Variants in RNF6 observed in about 807,000 individuals in gnomAD.
RNF6 encodes E3 ubiquitin-protein ligase RNF6.
A neutral mutation model predicts 50.1 loss-of-function variants in RNF6; 21 were observed. The observed-to-expected ratio is 0.42, with a 90% CI of 0.30 to 0.60. RNF6 has a LOEUF of 0.60. RNF6 is among the 20% of genes least tolerant of loss of function. The pLI is 0.20. For synonymous variants in RNF6, 255 were observed against 291.8 expected (o/e 0.87, Z 1.29); for missense variants, 698 against 838.2 (o/e 0.83, Z 2.07).
At chr13:26,164,358 T>A (rs921583851) in intron 5 of RNF6, among the ~76,000 whole-genome samples, 6 of 152,202 alleles carry the variant, frequency 3.9e-5, no homozygotes, top group African/African-American at 7.2e-5. Flanking sequence ...TATTTTCCAA[T>A]TCTTCATCTT....
chr13:26,132,809 G>A (rs1013973980), intron 5 of RNF6, among the ~76,000 whole-genome samples: 1 of 152,172 alleles, frequency 6.6e-6, no homozygotes, highest in African/African-American at 2.4e-5. Flanking sequence ...TGAGTAGCAA[G>A]GATTTAGAAC....
chr13:26,174,165 A>G (rs1447242649), intron 5 of RNF6, among the ~76,000 whole-genome samples: 1 of 151,960 alleles, frequency 6.6e-6, no homozygotes. Context: ...TCCTATTTCA[A>G]TTTATTGTTT....
At chr13:26,200,395 G>A (rs1022877554) in intron 5 of RNF6, among the ~76,000 whole-genome samples, 11 of 139,986 alleles carry the variant, frequency 7.9e-5, no homozygotes, top group African/African-American at 2.4e-4. Context: ...TGCTGTCACT[G>A]TTTGAAATTC....
chr13:26,181,192 C>G (rs139631937), intron 5 of RNF6, among the ~76,000 whole-genome samples: 8 of 152,286 alleles, frequency 5.3e-5, no homozygotes, highest in African/African-American at 1.9e-4. Context: ...GGAAAAGCAG[C>G]ACCAGGGAAA....
chr13:26,218,705 A>T, intron 3 of RNF6, 99 bp from the exon 4 acceptor site: 2 of 825,230 alleles, frequency 2.4e-6, no homozygotes, highest in Non-Finnish European at 4.0e-6. Context: ...TAGAAGACAA[A>T]TGTCTTATTA....
Position 26,215,609 on chromosome 13 carries a change from A to T in RNF6, c.290-17T>A. The T allele has an allele frequency of 6.3e-7, 1 of 1,576,814 alleles. No individual in the cohort carries two copies. Among genetic ancestry groups the T allele is most frequent in the Non-Finnish European group, 8.6e-7 (1 of 1,169,382 alleles). On this transcript the variant is annotated splice_polypyrimidine_tract_variant and intron_variant, in intron 4 of 4. Coordinates refer to ENST00000381588, the MANE Select transcript of RNF6 (RefSeq NM_005977.4). ...CTTCTGAGTCTAGAAAGCAAAGCAA[A>T]TCAACTTAAGATCAATTCCTAAGAC...
chr13:26,155,656 C>T (rs1165395526), intron 5 of RNF6, among the ~76,000 whole-genome samples: 5 of 152,182 alleles, frequency 3.3e-5, no homozygotes, highest in African/African-American at 1.2e-4. Context: ...GGCAATAGGT[C>T]TGAAGGGATG....
chr13:26,186,718 G>A (rs893342188), intron 5 of RNF6, among the ~76,000 whole-genome samples: 18 of 152,172 alleles, frequency 1.2e-4, no homozygotes, highest in Non-Finnish European at 1.6e-4. Context: ...CGATCCCGGG[G>A]GCGCTAGAGC....
At chr13:26,139,215 AC>A (rs1870806350) in intron 5 of RNF6, among the ~76,000 whole-genome samples, 1 of 151,762 alleles carries the variant, frequency 6.6e-6, no homozygotes, top group African/African-American at 2.4e-5. Context: ...ATATTTCCCT[AC>A]CCTAAATCAT....
At chr13:26,219,860 CT>C (rs1392619506) in intron 2 of RNF6, among the ~76,000 whole-genome samples, 193 bp from the exon 3 acceptor site, 1 of 152,218 alleles carries the variant, frequency 6.6e-6, no homozygotes, top group East Asian at 1.9e-4. Flanking sequence ...ACAATTGGCA[CT>C]TACTTCTTTG....
chr13:26,218,752 T>C (rs1870161433), intron 3 of RNF6, 146 bp from the exon 4 acceptor site: 3 of 577,394 alleles, frequency 5.2e-6, no homozygotes, highest in African/African-American at 3.8e-5. Flanking sequence ...CAGTTAAAAA[T>C]ATTCAACTGG....
chr13:26,205,948 C>G (rs1010563284), intron 5 of RNF6, among the ~76,000 whole-genome samples: 1 of 152,170 alleles, frequency 6.6e-6, no homozygotes, highest in Non-Finnish European at 1.5e-5. Flanking sequence ...GAGGTTGAGG[C>G]TACAGTGAGC....
At chr13:26,212,072 AATG>A (rs1869349935), downstream of RNF6, among the ~76,000 whole-genome samples, 1 of 152,166 alleles carries the variant, frequency 6.6e-6, no homozygotes, top group East Asian at 1.9e-4. Context: ...TAATAAAAAT[AATG>A]ATGTCTTTTA....
intron 5 of RNF6, among the ~76,000 whole-genome samples, chr13:26,183,290 T>G (rs1873329174): frequency 6.6e-6 from 1 of 152,238 alleles, no homozygotes; most frequent in Non-Finnish European, 1.5e-5. Context: ...CTAATTGTTT[T>G]CCCTTTATAG....
chr13:26,132,761 T>C (rs1162045411), intron 5 of RNF6, among the ~76,000 whole-genome samples: 1 of 152,244 alleles, frequency 6.6e-6, no homozygotes, highest in Non-Finnish European at 1.5e-5. Context: ...GATACATTTA[T>C]GTATGTAGCT....
At chr13:26,162,449 G>A (rs1430853272) in intron 5 of RNF6, among the ~76,000 whole-genome samples, 1 of 152,248 alleles carries the variant, frequency 6.6e-6, no homozygotes, top group African/African-American at 2.4e-5. Context: ...TGACCTGTCT[G>A]TAAGACACAT....
chr13:26,208,289 G>A (rs1435504486), downstream of RNF6, among the ~76,000 whole-genome samples: 3 of 152,190 alleles, frequency 2.0e-5, no homozygotes, highest in Non-Finnish European at 4.4e-5. Flanking sequence ...TTCCTCCTGG[G>A]AGTCTGAAAT....
chr13:26,185,475 A>G (rs1049503852), intron 5 of RNF6, among the ~76,000 whole-genome samples: 1 of 152,106 alleles, frequency 6.6e-6, no homozygotes, highest in Non-Finnish European at 1.5e-5. Flanking sequence ...GGCTGGGCAC[A>G]GTGGCTCACG....
chr13:26,198,106 G>A lies in RNF6; in HGVS notation n.768+17368C>T, dbSNP rs555308281. On this transcript the variant is annotated intron_variant and non_coding_transcript_variant, in intron 5 of 5. Transcript: ENST00000468480. ...GAGAATATGTATGTGTGTGTAGTAC[G>A]AAAGTATATGTGTGTGTGTGTGTAT... Among the ~76,000 whole-genome samples the A allele has an allele frequency of 3.3e-4, 42 of 128,684 alleles. 2 individuals carry two copies. The highest frequency in any genetic ancestry group is 1.2e-3 in the African/African-American group (39 of 33,530). The allele number at this position is 128,684 out of a possible 152,430, so 84.4% of individuals were successfully genotyped here. A position where few individuals can be genotyped will look rare whatever the true frequency, so the allele number is the denominator to read the frequency against.
Sources: gnomAD v4.1 joint callset for allele counts (sites outside exome capture counted in the v4.1 genomes callset) on GRCh38, gnomAD v4.1.1 for gene constraint, MANE v1.5 for transcripts, NCBI Gene and HGNC (gene_info 2026-07-23, HGNC 2026-07-21) for gene names.